Variants in AFAP1 observed in about 807,000 individuals in gnomAD.
AFAP1 encodes actin filament-associated protein 1.
In AFAP1, 75 loss-of-function variants were observed where a neutral mutation model predicts 93.9. That is an observed-to-expected ratio of 0.80 (90% confidence interval 0.66 to 0.97). The LOEUF is 0.97. Ranked by LOEUF, AFAP1 falls within the 50% of genes least tolerant of loss-of-function variation. The pLI is 0.00. For missense variants in AFAP1, 1,201 were observed against 1,050.8 expected (o/e 1.14, Z -1.98); for synonymous variants, 517 against 430.7 (o/e 1.20, Z -2.48).
At chr4:7,779,111 G>T in intron 13 of AFAP1, 1 of 502,580 alleles carries the variant, frequency 2.0e-6, no homozygotes, top group Non-Finnish European at 3.5e-6. Context: ...GTGTTCCGCT[G>T]GAACACTGCA....
chr4:7,813,393 C>A (rs1720215571), intron 8 of AFAP1, among the ~76,000 whole-genome samples: 1 of 152,216 alleles, frequency 6.6e-6, no homozygotes, highest in East Asian at 1.9e-4. Context: ...AAGGTCACCA[C>A]CGTTTAATTC....
chr4:7,919,842 G>C (rs1313903927), intron 1 of AFAP1, among the ~76,000 whole-genome samples: 1 of 150,326 alleles, frequency 6.7e-6, no homozygotes, highest in Non-Finnish European at 1.5e-5. Context: ...TCCCCTCCCT[G>C]TGTCCATGTG....
intron 1 of AFAP1, among the ~76,000 whole-genome samples, chr4:7,900,826 A>T (rs1719073185): frequency 6.6e-6 from 1 of 152,266 alleles, no homozygotes; most frequent in Non-Finnish European, 1.5e-5. Flanking sequence ...GAATACGTTT[A>T]TATAGGAATC....
intron 12 of AFAP1, 140 bp from the exon 13 acceptor site, chr4:7,781,767 T>G (rs1237491752): frequency 8.6e-7 from 1 of 1,157,042 alleles, no homozygotes; most frequent in Non-Finnish European, 1.2e-6. Flanking sequence ...AGACTGCAGT[T>G]GTTATCAATA....
intron 6 of AFAP1, among the ~76,000 whole-genome samples, chr4:7,833,716 G>A (rs1447127433): frequency 6.6e-6 from 1 of 151,000 alleles, no homozygotes; most frequent in Non-Finnish European, 1.5e-5. Flanking sequence ...AGCCACCCAA[G>A]CAGCTGGGAC....
chr4:7,878,392 C>T (rs1002676776), intron 1 of AFAP1, among the ~76,000 whole-genome samples: 5 of 152,164 alleles, frequency 3.3e-5, no homozygotes, highest in African/African-American at 4.8e-5. Flanking sequence ...TGATGTATTC[C>T]GAGAGTGGCC....
chr4:7,828,796 G>A (rs1721651006), intron 6 of AFAP1, among the ~76,000 whole-genome samples: 1 of 152,190 alleles, frequency 6.6e-6, no homozygotes, highest in African/African-American at 2.4e-5. Flanking sequence ...AAGAAACACA[G>A]TGCCTAACAG....
At chr4:7,915,130 C>T (rs765119404) in intron 1 of AFAP1, among the ~76,000 whole-genome samples, 5 of 152,152 alleles carry the variant, frequency 3.3e-5, no homozygotes, top group African/African-American at 1.2e-4. Flanking sequence ...GTGATCTGCC[C>T]GCCTCGGCCT....
chr4:7,925,291 C>T (rs1425174636), intron 1 of AFAP1, among the ~76,000 whole-genome samples: 1 of 152,214 alleles, frequency 6.6e-6, no homozygotes, highest in African/African-American at 2.4e-5. Context: ...TTCCACAAAA[C>T]GCGGCTTCCT....
At chr4:7,799,442 C>A (rs1718811575) in intron 10 of AFAP1, among the ~76,000 whole-genome samples, 1 of 152,184 alleles carries the variant, frequency 6.6e-6, no homozygotes, top group Non-Finnish European at 1.5e-5. Flanking sequence ...TAGGTCGCAG[C>A]CCCAGGCACT....
chr4:7,885,094 A>G (rs1204033975), intron 1 of AFAP1, among the ~76,000 whole-genome samples: 3 of 152,190 alleles, frequency 2.0e-5, no homozygotes, highest in African/African-American at 7.2e-5. Flanking sequence ...CAATTAAGAA[A>G]CAGTTCCCAA....
chr4:7,907,805 T>C (rs1349897720), intron 1 of AFAP1, among the ~76,000 whole-genome samples: 1 of 152,218 alleles, frequency 6.6e-6, no homozygotes, highest in African/African-American at 2.4e-5. Flanking sequence ...CAATCTGCAT[T>C]GTTTTTTTTC....
intron 17 of AFAP1, among the ~76,000 whole-genome samples, chr4:7,767,268 CCAAGAGGGAG>C (rs1255417271): frequency 6.6e-6 from 1 of 152,198 alleles, no homozygotes; most frequent in Non-Finnish European, 1.5e-5. Context: ...TTCCCATTCA[CCAAGAGGGAG>C]CAAAAGGGAG....
chr4:7,881,461 G>T (rs1173234888), intron 1 of AFAP1, among the ~76,000 whole-genome samples: 1 of 152,060 alleles, frequency 6.6e-6, no homozygotes, highest in African/African-American at 2.4e-5. Context: ...CCACTCATTT[G>T]GCCCTCATCC....
At chr4:7,783,985 G>A (rs1318777395) in intron 12 of AFAP1, among the ~76,000 whole-genome samples, 2 of 152,178 alleles carry the variant, frequency 1.3e-5, no homozygotes, top group Non-Finnish European at 2.9e-5. Flanking sequence ...GAGACACTGG[G>A]GTGACACAGG....
Position 7,923,706 on chromosome 4 carries a change from C to A in AFAP1, c.-3+15950G>T, listed in dbSNP as rs958040177. Among the ~76,000 whole-genome samples the A allele has an allele frequency of 2.0e-5, 3 of 152,192 alleles. No homozygotes were observed. In the South Asian group the frequency reaches 6.2e-4, roughly 31 times the overall value. ...GGTCTCAATCTCCTGACCTTGTGAT[C>A]TGCCCATCTCGGCCTCCCAAAGTGC... On this transcript the variant is annotated intron_variant, in intron 1 of 17. Coordinates refer to ENST00000420658, the MANE Select transcript of AFAP1 (RefSeq NM_001134647.2).
chr4:7,786,979 A>C (rs1331035952), intron 11 of AFAP1, among the ~76,000 whole-genome samples: 3 of 152,192 alleles, frequency 2.0e-5, no homozygotes, highest in Admixed American at 1.3e-4. Context: ...AATTTCCTCA[A>C]CTTCTGAGAG....
rs746975098 is a variant in AFAP1, at chr4:7,768,934, G to A, written c.2328C>T (p.Pro776=). The change falls in exon 17 of 18, where the codon CCC becomes CCT. Residue 776 remains proline (P), a synonymous_variant. Transcript: ENST00000420658. ...SSCDTSDTEG[P]VPVNSAAVLK... Reference sequence around the variant, plus strand: ...AGACGGCCGCGCTGTTCACCGGCACGGGGCCCTCGGTGTCACTGGTGTCAC... The same window carrying A: ...AGACGGCCGCGCTGTTCACCGGCACAGGGCCCTCGGTGTCACTGGTGTCAC... The A allele has an allele frequency of 1.5e-5, 24 of 1,613,830 alleles. No individual in the cohort carries two copies. Among genetic ancestry groups the A allele is most frequent in the Admixed American group, 5.0e-5 (3 of 60,012 alleles).
chr4:7,837,061 A>C (rs1223851653), intron 6 of AFAP1, among the ~76,000 whole-genome samples: 1 of 152,208 alleles, frequency 6.6e-6, no homozygotes, highest in East Asian at 1.9e-4. Context: ...TCAAACCACC[A>C]TGCTGATGAC....
Sources: allele counts gnomAD v4.1 joint callset (sites outside exome capture counted in the v4.1 genomes callset), GRCh38; gene constraint gnomAD v4.1.1; transcripts MANE v1.5; gene names NCBI Gene and HGNC (gene_info 2026-07-23, HGNC 2026-07-21).